Variants in MYO1H observed in about 807,000 individuals in gnomAD.
MYO1H encodes the protein myosin IH, also known as unconventional myosin-Ih.
Under a neutral mutation model 149.3 loss-of-function variants are expected in MYO1H, and 118 were observed. The observed-to-expected ratio is 0.79, with a 90% confidence interval of 0.68 to 0.92. The LOEUF is 0.92. MYO1H is among the 40% of genes least tolerant of loss of function. The probability of loss-of-function intolerance (pLI) is 0.00; values close to 1 mark genes in which losing one functional copy is unlikely to be tolerated. For synonymous variants in MYO1H, 447 were observed against 465.2 expected, an observed-to-expected ratio of 0.96 and a Z score of 0.50; for missense variants, 1,212 against 1,280.7, an observed-to-expected ratio of 0.95 and a Z score of 0.82.
At chr12:109,439,225 C>A (rs1872002513) in intron 23 of MYO1H, among the ~76,000 whole-genome samples, 1 of 152,140 alleles carries the variant, frequency 6.6e-6, no homozygotes, top group African/African-American at 2.4e-5. Flanking sequence ...CAGGCACACA[C>A]CACCACACCC....
chr12:109,424,476 C>A (rs1871285421), intron 16 of MYO1H, among the ~76,000 whole-genome samples: 1 of 152,192 alleles, frequency 6.6e-6, no homozygotes, highest in Admixed American at 6.5e-5. Context: ...TCTTAAACAG[C>A]CAGTTTATTC....
At position 109,443,318 on chromosome 12, in the gene MYO1H, ATG is replaced by A. The variant is rs1022524411; in HGVS notation, c.2689-190_2689-189del. On this transcript the variant is annotated intron_variant, in intron 27 of 31. Coordinates refer to ENST00000310903, the Ensembl canonical transcript of MYO1H. Reference sequence around the variant, plus strand: ...TGTGTGTATATATGTGTACGTATATATGTGTGTATGTATGTGTACGTATATAT... The same window carrying A: ...TGTGTGTATATATGTGTACGTATATATGTGTATGTATGTGTACGTATATAT... 5.7e-5 allele frequency among the ~76,000 whole-genome samples: 7 copies of A among 122,230 alleles called. 1 individual carries two copies. The East Asian group carries it at 9.6e-4, about 17-fold the overall frequency. The allele number at this position is 122,230 out of a possible 152,430, so 80.2% of individuals were successfully genotyped here. A position where few individuals can be genotyped will look rare whatever the true frequency, so the allele number is the denominator to read the frequency against.
rs1017903531 is a variant in MYO1H at position 109,447,412 on chromosome 12, G to C, written c.*230G>C. The C allele has an allele frequency of 1.2e-5, 7 of 600,986 alleles. No homozygotes were observed. In the African/African-American group the frequency reaches 1.3e-4, roughly 11 times the overall value. 37.2% of individuals were successfully genotyped at this position (600,986 alleles called of 1,614,324 possible). On this transcript the variant is annotated 3_prime_UTR_variant, in exon 32 of 32. Transcript: ENST00000310903. ...GTCACCTTCTGGAAGCAGACCCCAG[G>C]TCACCCGAAGGCGCAATTCTAAACA...
At chr12:109,325,233 C>T in the MYO1H span, among the ~76,000 whole-genome samples, 4 of 152,254 alleles carry the variant, frequency 2.6e-5, no homozygotes, top group East Asian at 7.7e-4. Context: ...TGGGTATATA[C>T]CCAGTAATGG....
the MYO1H span, among the ~76,000 whole-genome samples, chr12:109,334,892 C>T: frequency 1.3e-5 from 2 of 152,172 alleles, no homozygotes; most frequent in Admixed American, 6.5e-5. Context: ...TATTTGAGAA[C>T]ATTTCTCTTC....
At chr12:109,383,353 T>C (rs192381841) in intron 1 of MYO1H, among the ~76,000 whole-genome samples, 22 of 152,350 alleles carry the variant, frequency 1.4e-4, no homozygotes, top group Admixed American at 1.4e-3. Context: ...GGGAGAACTG[T>C]GGCTCACATT....
rs201211123 is a variant in MYO1H, at chr12:109,363,712, C to CA, written c.12+15749dup. On this transcript the variant is annotated intron_variant, in intron 1 of 31. Transcript: ENST00000310903. ...GGGCAACAAGAGAGAAACTCCGTCT[C>CA]AAAAAAAAAGAAGAAGACGCGTCTT... 2.5e-3 allele frequency among the ~76,000 whole-genome samples: 368 copies of CA among 148,684 alleles called. 3 individuals carry two copies. In the South Asian group the frequency reaches 0.032, roughly 13 times the overall value.
At position 109,440,144 on chromosome 12, in the gene MYO1H, G is replaced by C. The variant is rs145633694; in HGVS notation, c.2454+354G>C. Reference sequence around the variant, plus strand: ...CCGCCTCCTAGGCTCAAGTGATTCTGGTGTGTCAGCCCCCCTGAATAACTG... The same window carrying C: ...CCGCCTCCTAGGCTCAAGTGATTCTCGTGTGTCAGCCCCCCTGAATAACTG... On this transcript the variant is annotated intron_variant, in intron 24 of 31. Coordinates refer to ENST00000310903, the Ensembl canonical transcript of MYO1H. Among the ~76,000 whole-genome samples, 374 of 151,096 alleles carry C rather than the reference G, an allele frequency of 2.5e-3. 6 individuals carry two copies. Among genetic ancestry groups the C allele is most frequent in the East Asian group, 9.5e-3 (49 of 5,154 alleles).
At chr12:109,425,763 C>G (rs1871330183) in intron 17 of MYO1H, among the ~76,000 whole-genome samples, 183 bp from the exon 18 acceptor site, 1 of 152,144 alleles carries the variant, frequency 6.6e-6, no homozygotes, top group Admixed American at 6.5e-5. Context: ...CAAGACTGGC[C>G]TTCTCAGGTC....
At chr12:109,434,603 C>T (rs952377617) in intron 20 of MYO1H, among the ~76,000 whole-genome samples, 1 of 152,162 alleles carries the variant, frequency 6.6e-6, no homozygotes, top group African/African-American at 2.4e-5. Context: ...TATTCATTTC[C>T]TAGGACTGCG....
At chr12:109,324,173 C>A in the MYO1H span, among the ~76,000 whole-genome samples, 5 of 152,158 alleles carry the variant, frequency 3.3e-5, no homozygotes, top group Non-Finnish European at 7.4e-5. Context: ...GGACTCGGGG[C>A]ACTAAAGGAT....
intron 1 of MYO1H, among the ~76,000 whole-genome samples, chr12:109,373,966 G>A (rs185183303): frequency 0.01 from 1,577 of 152,204 alleles, 24 homozygotes; most frequent in African/African-American, 0.034. Flanking sequence ...CAGCCTGGGC[G>A]ACAGAGTGAG....
At position 109,432,896 on chromosome 12, in the gene MYO1H, G is replaced by A; in HGVS notation, c.1950-1G>A. ...TTCTCCATGTCCATCTCCTCTCCTA[G>A]GTACAAGTCCTTATGCCCAGACACC... On this transcript the variant is annotated splice_acceptor_variant, in intron 19 of 31. Transcript: ENST00000310903. LOFTEE classifies it high-confidence loss of function. 6.2e-7 allele frequency: 1 copy of A among 1,613,718 alleles called. No individual in the cohort carries two copies. Among genetic ancestry groups the A allele is most frequent in the Middle Eastern group, 1.6e-4 (1 of 6,062 alleles).
chr12:109,414,280 A>G (rs1870804982), intron 14 of MYO1H, among the ~76,000 whole-genome samples: 2 of 152,114 alleles, frequency 1.3e-5, no homozygotes, highest in African/African-American at 4.8e-5. Context: ...GTTCAAGACC[A>G]GCCTGGCCAA....
chr12:109,346,606 C>G (rs1021881153), upstream of MYO1H, among the ~76,000 whole-genome samples: 1 of 151,878 alleles, frequency 6.6e-6, no homozygotes, highest in Non-Finnish European at 1.5e-5. Context: ...ACTAAAAATA[C>G]AAAAGTTAGC....
exon 32 of MYO1H, chr12:109,447,917 A>ATGTGT (rs1342118207): frequency 1.3e-5 from 2 of 152,314 alleles, no homozygotes; most frequent in Non-Finnish European, 2.9e-5. Context: ...ATGAGCACAC[A>ATGTGT]AATGGACAAT....
intron 15 of MYO1H, among the ~76,000 whole-genome samples, chr12:109,419,353 C>G (rs2135571110): frequency 6.6e-6 from 1 of 152,220 alleles, no homozygotes; most frequent in South Asian, 2.1e-4. Flanking sequence ...CTCTTACCAT[C>G]TGCTCTGAGT....
At chr12:109,447,277 C>A in exon 32 of MYO1H, 1 of 1,108,584 alleles carries the variant, frequency 9.0e-7, no homozygotes, top group Non-Finnish European at 1.3e-6. Context: ...GCTACCTCTT[C>A]AAGGTACCAG....
In MYO1H at chr12:109,443,290, A is replaced by ATGTGTGTG. The variant is rs1174690535; in HGVS notation, c.2689-223_2689-222insGTGTGTGT. ...TATGTGTGTGTATATGTGTACGTATATATGTGTGTATATATGTGTACGTAT... is the reference window on the plus strand; with the variant it reads ...TATGTGTGTGTATATGTGTACGTATATGTGTGTGTATGTGTGTATATATGTGTACGTAT... On this transcript the variant is annotated intron_variant, in intron 27 of 31. Transcript: ENST00000310903. Among the ~76,000 whole-genome samples, 6 of 71,080 alleles carry ATGTGTGTG rather than the reference A, an allele frequency of 8.4e-5. 1 individual carries two copies. The highest frequency in any genetic ancestry group is 9.1e-5 in the Non-Finnish European group (3 of 32,924). 46.6% of individuals were successfully genotyped at this position (71,080 alleles called of 152,430 possible).
Sources: gnomAD v4.1 joint callset for allele counts (sites outside exome capture counted in the v4.1 genomes callset) on GRCh38, gnomAD v4.1.1 for gene constraint, MANE v1.5 for transcripts, NCBI Gene and HGNC (gene_info 2026-07-23, HGNC 2026-07-21) for gene names.